Variants in OGDH observed in about 807,000 individuals in gnomAD.
The protein encoded by OGDH is oxoglutarate dehydrogenase.
A neutral mutation model predicts 116.6 loss-of-function variants in OGDH; 38 were observed. The observed-to-expected ratio is 0.33, with a 90% CI of 0.25 to 0.43. The LOEUF (loss-of-function observed/expected upper bound fraction) is 0.43, where lower values mean the gene tolerates loss of function less well. Ranked by LOEUF, OGDH falls within the 20% of genes least tolerant of loss-of-function variation. The pLI is 1.00. For synonymous variants in OGDH, 488 were observed against 533.3 expected, an observed-to-expected ratio of 0.92 and a Z score of 1.17; for missense variants, 825 against 1,357.2, an observed-to-expected ratio of 0.61 and a Z score of 6.16.
intron 9 of OGDH, among the ~76,000 whole-genome samples, chr7:44,677,446 G>T (rs909531171): frequency 1.7e-4 from 26 of 152,166 alleles, no homozygotes; most frequent in Admixed American, 1.6e-3. Flanking sequence ...ATTTAGGGAG[G>T]TGGGAAGGGA....
At chr7:44,687,646 C>T (rs1788190596) in intron 10 of OGDH, among the ~76,000 whole-genome samples, 1 of 152,168 alleles carries the variant, frequency 6.6e-6, no homozygotes, top group South Asian at 2.1e-4. Flanking sequence ...TGGTCTTGAA[C>T]TCCTGAGTTC....
intron 10 of OGDH, among the ~76,000 whole-genome samples, chr7:44,690,507 A>G (rs1242346027): frequency 1.3e-5 from 2 of 152,246 alleles, no homozygotes; most frequent in Non-Finnish European, 2.9e-5. Context: ...AGGTATTATT[A>G]ATACACCCAT....
chr7:44,670,740 G>A (rs1787397072), intron 5 of OGDH, among the ~76,000 whole-genome samples: 1 of 152,172 alleles, frequency 6.6e-6, no homozygotes, highest in African/African-American at 2.4e-5. Flanking sequence ...GCTGGGCGTG[G>A]TGGCTCAAGC....
At chr7:44,689,729 C>A (rs1445824290) in intron 10 of OGDH, among the ~76,000 whole-genome samples, 2 of 152,002 alleles carry the variant, frequency 1.3e-5, no homozygotes, top group Non-Finnish European at 2.9e-5. Flanking sequence ...CTATTCAGAT[C>A]CTCTGCCTAT....
chr7:44,698,180 G>C lies in OGDH; in HGVS notation c.2359-12G>C. The C allele has an allele frequency of 6.2e-7, 1 of 1,614,192 alleles. No homozygotes were observed. The highest frequency in any genetic ancestry group is 8.5e-7 in the Non-Finnish European group (1 of 1,180,014). ...AGAGCTCTTAAACTGTAACTTGCGTGTGTGGTTCCAGGGTCCAGAACATTC... is the reference window on the plus strand; with the variant it reads ...AGAGCTCTTAAACTGTAACTTGCGTCTGTGGTTCCAGGGTCCAGAACATTC... On this transcript the variant is annotated splice_polypyrimidine_tract_variant and intron_variant, in intron 17 of 22. Coordinates refer to ENST00000222673, the MANE Select transcript of OGDH (RefSeq NM_002541.4).
intron 7 of OGDH, 47 bp downstream of exon 7, chr7:44,674,604 G>T (rs1230608878): frequency 6.2e-7 from 1 of 1,608,962 alleles, no homozygotes; most frequent in Non-Finnish European, 8.5e-7. Context: ...ATCCCTGTGG[G>T]CTGTGTAGGA....
At chr7:44,699,327 G>A (rs1788722869) in intron 18 of OGDH, among the ~76,000 whole-genome samples, 1 of 149,986 alleles carries the variant, frequency 6.7e-6, no homozygotes, top group Non-Finnish European at 1.5e-5. Context: ...TCAGGAGGCT[G>A]AGGCAGAGAA....
At chr7:44,612,944 G>A (rs1417061553) in intron 1 of OGDH, among the ~76,000 whole-genome samples, 1 of 149,704 alleles carries the variant, frequency 6.7e-6, no homozygotes, top group Non-Finnish European at 1.5e-5. Context: ...GCAGTGGCGC[G>A]ATCTCGGCTC....
intron 19 of OGDH, among the ~76,000 whole-genome samples, chr7:44,701,125 G>A (rs959699090): frequency 2.6e-5 from 4 of 152,220 alleles, no homozygotes; most frequent in Admixed American, 6.5e-5. Context: ...CTTGCAGCTC[G>A]GAGTGTCCCC....
At chr7:44,653,135 C>T (rs750234422) in intron 4 of OGDH, among the ~76,000 whole-genome samples, 21 of 152,036 alleles carry the variant, frequency 1.4e-4, no homozygotes, top group Non-Finnish European at 2.6e-4. Context: ...ACTCTGTCGC[C>T]CAGGCTGGAG....
chr7:44,666,782 G>A lies in OGDH; in HGVS notation c.564G>A (p.Leu188=), dbSNP rs1179029016. Residue 188 remains leucine (L), a synonymous_variant, in exon 5 of 23, where the codon TTG becomes TTA. Coordinates refer to ENST00000222673, the MANE Select transcript of OGDH (RefSeq NM_002541.4). ...DESDLDKVFH[L]PTTTFIGGQE... is the part of the protein sequence containing the mutation. ...CTGACCTCGACAAGGTCTTCCACTT[G>A]CCCACCACCACTTTCATCGGGGGAC... 29 of 1,613,090 alleles carry A rather than the reference G, an allele frequency of 1.8e-5. No individual in the cohort carries two copies. The highest frequency in any genetic ancestry group is 8.5e-7 in the Non-Finnish European group (1 of 1,179,648).
intron 5 of OGDH, among the ~76,000 whole-genome samples, chr7:44,667,675 C>A (rs987356588): frequency 1.3e-5 from 2 of 152,152 alleles, no homozygotes; most frequent in Non-Finnish European, 2.9e-5. Context: ...TCATAGCCTC[C>A]CTCAGTATAA....
chr7:44,613,480 C>A (rs867154869), intron 1 of OGDH, among the ~76,000 whole-genome samples: 1 of 152,206 alleles, frequency 6.6e-6, no homozygotes, highest in African/African-American at 2.4e-5. Flanking sequence ...TCTGCTCAGT[C>A]TCCCGAGTAG....
chr7:44,687,047 T>C (rs1019193588), intron 10 of OGDH, among the ~76,000 whole-genome samples: 1 of 151,462 alleles, frequency 6.6e-6, no homozygotes, highest in Non-Finnish European at 1.5e-5. Flanking sequence ...TTCTTTGGGA[T>C]TTCTGTTTGG....
intron 2 of OGDH, among the ~76,000 whole-genome samples, chr7:44,643,729 T>C (rs911100222): frequency 6.6e-6 from 1 of 152,224 alleles, no homozygotes; most frequent in Non-Finnish European, 1.5e-5. Flanking sequence ...TATCCAGCCA[T>C]GTCCCAGACA....
intron 10 of OGDH, among the ~76,000 whole-genome samples, chr7:44,687,541 C>T (rs1585368701): frequency 6.6e-6 from 1 of 152,054 alleles, no homozygotes; most frequent in African/African-American, 2.4e-5. Context: ...TCAGCCTCCT[C>T]AGTAGCTGGG....
At chr7:44,629,860 G>A (rs2268307) in intron 2 of OGDH, among the ~76,000 whole-genome samples, 46,643 of 152,134 alleles carry the variant, frequency 0.31, 8,591 homozygotes, top group Non-Finnish European at 0.41. Flanking sequence ...GATTATGGGC[G>A]TGAGCCATCA....
intron 10 of OGDH, among the ~76,000 whole-genome samples, chr7:44,692,244 G>C (rs571353536): frequency 6.6e-6 from 1 of 152,228 alleles, no homozygotes; most frequent in South Asian, 2.1e-4. Flanking sequence ...CCACAAATTG[G>C]AAACAAAAGA....
chr7:44,636,608 A>T (rs1048288843), intron 2 of OGDH, among the ~76,000 whole-genome samples: 9 of 152,218 alleles, frequency 5.9e-5, no homozygotes, highest in Admixed American at 5.9e-4. Flanking sequence ...TGCCACATGC[A>T]GAGAGCACTG....
Sources: gnomAD v4.1 joint callset for allele counts (sites outside exome capture counted in the v4.1 genomes callset) on GRCh38, gnomAD v4.1.1 for gene constraint, MANE v1.5 for transcripts, NCBI Gene and HGNC (gene_info 2026-07-23, HGNC 2026-07-21) for gene names.